The following ADCY5 variants were observed in gnomAD, a reference collection of about 807,000 sequenced individuals.
ADCY5 encodes the protein adenylate cyclase 5.
Under a neutral mutation model 119.7 loss-of-function variants are expected in ADCY5, and 30 were observed. The ratio of observed to expected loss-of-function variants is 0.25; its 90% confidence interval spans 0.19 to 0.34. The LOEUF (loss-of-function observed/expected upper bound fraction) is 0.34, where lower values mean the gene tolerates loss of function less well. Among genes scored for constraint, ADCY5 ranks in the 10% least tolerant of loss-of-function variants. The probability of loss-of-function intolerance (pLI) is 1.00; values close to 1 mark genes in which losing one functional copy is unlikely to be tolerated. For missense variants in ADCY5, 1,324 were observed against 1,775.2 expected (o/e 0.75, Z 4.57); for synonymous variants, 753 against 762.2 (o/e 0.99, Z 0.20).
At chr3:123,420,485 G>A (rs1309867556) in intron 1 of ADCY5, among the ~76,000 whole-genome samples, 3 of 152,192 alleles carry the variant, frequency 2.0e-5, no homozygotes, top group Non-Finnish European at 2.9e-5. Context: ...GAGGCAGGAA[G>A]GTAGGGTGGG....
intron 8 of ADCY5, 95 bp downstream of exon 8, chr3:123,325,227 T>C (rs555618582): frequency 3.6e-5 from 54 of 1,483,580 alleles, no homozygotes; most frequent in East Asian, 9.1e-5. Flanking sequence ...CCAGATTCCC[T>C]TGGGCAACAC....
intron 11 of ADCY5, among the ~76,000 whole-genome samples, chr3:123,316,260 ACTC>A (rs1940907965): frequency 6.6e-6 from 1 of 152,078 alleles, no homozygotes; most frequent in African/African-American, 2.4e-5. Context: ...ATTGGCCAGT[ACTC>A]CTCAAAAGTG....
At chr3:123,296,354 A>C in intron 16 of ADCY5, 138 bp from the exon 17 acceptor site, 1 of 1,021,282 alleles carries the variant, frequency 9.8e-7, no homozygotes, top group Non-Finnish European at 1.4e-6. Flanking sequence ...CCCTGCTCAA[A>C]CTTTGCCGCA....
intron 18 of ADCY5, among the ~76,000 whole-genome samples, chr3:123,290,213 AG>A (rs1344747554): frequency 2.6e-5 from 4 of 152,128 alleles, no homozygotes; most frequent in Non-Finnish European, 5.9e-5. Context: ...CCTGAAGACA[AG>A]GTCACTAGTC....
At chr3:123,419,288 C>CCT in intron 1 of ADCY5, 1 of 806,710 alleles carries the variant, frequency 1.2e-6, no homozygotes, top group Non-Finnish European at 1.5e-6. Context: ...CGTCCGCCCA[C>CCT]CCACTTCTCT....
chr3:123,433,090 T>C (rs553010599), intron 1 of ADCY5, among the ~76,000 whole-genome samples: 2 of 152,274 alleles, frequency 1.3e-5, no homozygotes, highest in South Asian at 4.1e-4. Context: ...AACAGTCCAG[T>C]GGAAAGACAC....
At chr3:123,313,072 A>G (rs1694375315) in intron 12 of ADCY5, among the ~76,000 whole-genome samples, 1 of 152,228 alleles carries the variant, frequency 6.6e-6, no homozygotes, top group South Asian at 2.1e-4. Flanking sequence ...CTAGCAACGG[A>G]TGGAGCACGC....
chr3:123,303,838 A>AAAGAGAAGAGAAGAGAAGAGAAGAG (rs780526569), intron 13 of ADCY5, among the ~76,000 whole-genome samples: 13 of 99,452 alleles, frequency 1.3e-4, no homozygotes, highest in East Asian at 4.5e-4. Context: ...ACTGGAAAGA[A>AAAGAGAAGAGAAGAGAAGAGAAGAG]AAGAGAAGAG....
rs1470024808 is a variant in ADCY5 at position 123,409,034 on chromosome 3, ATC to A, written c.1134+38376_1134+38377del. On this transcript the variant is annotated intron_variant, in intron 1 of 20. Coordinates refer to ENST00000462833, the MANE Select transcript of ADCY5 (RefSeq NM_183357.3). ...ACCACATTTACTTACATAAAAATGT[ATC>A]TCTGTAGATAAAGTATAGAAAAGAT... is the stretch of plus-strand genomic sequence containing the variant. Among the ~76,000 whole-genome samples, 26 of 152,386 alleles carry A rather than the reference ATC, an allele frequency of 1.7e-4. No homozygotes were observed. The East Asian group carries it at 5.0e-3, about 29-fold the overall frequency.
intron 13 of ADCY5, 107 bp from the exon 14 acceptor site, chr3:123,303,326 G>T: frequency 8.1e-7 from 1 of 1,233,724 alleles, no homozygotes; most frequent in South Asian, 1.4e-5. Flanking sequence ...CGCCTCAGGT[G>T]CAGCATGACA....
intron 1 of ADCY5, among the ~76,000 whole-genome samples, chr3:123,354,807 A>G (rs1942981266): frequency 6.6e-6 from 1 of 152,230 alleles, no homozygotes. Flanking sequence ...AACTTCAAAA[A>G]GCAACCAACG....
Position 123,308,221 on chromosome 3 carries a change from T to C in ADCY5, c.2443-4038A>G, listed in dbSNP as rs976690724. On this transcript the variant is annotated intron_variant, in intron 12 of 20. Coordinates refer to ENST00000462833, the MANE Select transcript of ADCY5 (RefSeq NM_183357.3). ...GCTAATTTTGTTTTTGTATTTTCAG[T>C]ACAGACAGGGTTTCACTGTGTTAGC... 3.3e-5 allele frequency among the ~76,000 whole-genome samples: 5 copies of C among 151,788 alleles called. No individual in the cohort carries two copies. In the South Asian group the frequency reaches 8.4e-4, roughly 25 times the overall value.
At chr3:123,300,415 G>A in intron 14 of ADCY5, 120 bp from the exon 15 acceptor site, 1 of 1,166,646 alleles carries the variant, frequency 8.6e-7, no homozygotes, top group Non-Finnish European at 1.2e-6. Flanking sequence ...TGTTTCTGCT[G>A]ATGTAAATTT....
At chr3:123,430,533 C>G (rs1576692558) in intron 1 of ADCY5, among the ~76,000 whole-genome samples, 2 of 152,268 alleles carry the variant, frequency 1.3e-5, no homozygotes, top group African/African-American at 4.8e-5. Flanking sequence ...AAGGCAGCAA[C>G]ACCCCGCACG....
At chr3:123,348,036 A>AGTGTGTGTGGGTGTGT (rs1942643190) in intron 2 of ADCY5, 133 bp from the exon 3 acceptor site, 1 of 428,724 alleles carries the variant, frequency 2.3e-6, no homozygotes, top group Non-Finnish European at 4.2e-6. Context: ...CTGGGTTAAC[A>AGTGTGTGTGGGTGTGT]GTGTGTGTGT....
intron 1 of ADCY5, among the ~76,000 whole-genome samples, chr3:123,421,837 G>T (rs1423624040): frequency 6.6e-6 from 1 of 152,156 alleles, no homozygotes; most frequent in African/African-American, 2.4e-5. Context: ...AGGACTGTGG[G>T]AGAGAGAGTT....
At chr3:123,284,913 G>A (rs1938633619) in intron 20 of ADCY5, among the ~76,000 whole-genome samples, 177 bp from the exon 21 acceptor site, 1 of 152,206 alleles carries the variant, frequency 6.6e-6, no homozygotes, top group Admixed American at 6.5e-5. Context: ...CACCATGGAA[G>A]GGATCCTAAG....
chr3:123,380,282 G>A (rs76311404), intron 1 of ADCY5, among the ~76,000 whole-genome samples: 27,494 of 152,156 alleles, frequency 0.18, 2,830 homozygotes, highest in Middle Eastern at 0.25. Flanking sequence ...TTGAGTAGGG[G>A]AAAGTGACCA....
chr3:123,389,633 G>A (rs1944342482), intron 1 of ADCY5, among the ~76,000 whole-genome samples: 1 of 152,006 alleles, frequency 6.6e-6, no homozygotes, highest in Admixed American at 6.6e-5. Context: ...CCCCAGCAGA[G>A]CGGCACATGT....
Sources: gnomAD v4.1 joint callset for allele counts (sites outside exome capture counted in the v4.1 genomes callset) on GRCh38, gnomAD v4.1.1 for gene constraint, MANE v1.5 for transcripts, NCBI Gene and HGNC (gene_info 2026-07-23, HGNC 2026-07-21) for gene names.